Variants in APPL2 observed in about 807,000 individuals in gnomAD.
The protein encoded by APPL2 is adaptor protein, phosphotyrosine interacting with PH domain and leucine zipper 2, also known as DCC-interacting protein 13-beta.
APPL2 carries 84 observed loss-of-function variants against 92.7 expected under a neutral mutation model. The observed-to-expected ratio is 0.91, with a 90% confidence interval of 0.76 to 1.09. The LOEUF is 1.09. Among genes scored for constraint, APPL2 ranks in the 50% least tolerant of loss-of-function variants. APPL2 has a pLI of 0.00. For missense variants in APPL2, 736 were observed against 824.5 expected (o/e 0.89, Z 1.31); for synonymous variants, 291 against 291.0 (o/e 1.00, Z 0.00).
At chr12:105,182,619 G>A (rs1344974622) in intron 17 of APPL2, among the ~76,000 whole-genome samples, 1 of 152,226 alleles carries the variant, frequency 6.6e-6, no homozygotes, top group Non-Finnish European at 1.5e-5. Flanking sequence ...TGGTCTGAGA[G>A]ACAGTTTGTT....
At chr12:105,196,425 C>CTTTT (rs59820038) in intron 11 of APPL2, among the ~76,000 whole-genome samples, 2 of 83,812 alleles carry the variant, frequency 2.4e-5, no homozygotes, top group African/African-American at 4.0e-5. Flanking sequence ...GGCGTTAACT[C>CTTTT]TTTTTTTTTT....
chr12:105,203,602 G>T, intron 9 of APPL2, 101 bp downstream of exon 9: 1 of 1,065,506 alleles, frequency 9.4e-7, no homozygotes, highest in Non-Finnish European at 1.4e-6. Flanking sequence ...GAGGCTCTGT[G>T]CGACCCTCCA....
chr12:105,231,227 A>T (rs1024777428), intron 1 of APPL2, among the ~76,000 whole-genome samples: 4 of 152,240 alleles, frequency 2.6e-5, no homozygotes, highest in Non-Finnish European at 5.9e-5. Context: ...TACTATGTCC[A>T]TTTAGCCAAA....
At chr12:105,210,815 C>G (rs1889150606) in intron 5 of APPL2, among the ~76,000 whole-genome samples, 2 of 151,964 alleles carry the variant, frequency 1.3e-5, no homozygotes, top group African/African-American at 4.8e-5. Flanking sequence ...GCTTTCCATT[C>G]CAAAGCATTC....
chr12:105,189,558 A>C (rs1887016329), intron 16 of APPL2, among the ~76,000 whole-genome samples: 1 of 152,322 alleles, frequency 6.6e-6, no homozygotes, highest in South Asian at 2.1e-4. Context: ...CGCTATGGCT[A>C]ATGGTGAAAT....
At chr12:105,186,175 A>C (rs1005602840) in intron 17 of APPL2, among the ~76,000 whole-genome samples, 9 of 152,188 alleles carry the variant, frequency 5.9e-5, no homozygotes, top group Admixed American at 5.9e-4. Flanking sequence ...CCTGTATCTG[A>C]AATTGTTTTG....
chr12:105,176,172 T>C (rs1885526232), intron 19 of APPL2, 90 bp from the exon 20 acceptor site: 1 of 1,135,658 alleles, frequency 8.8e-7, no homozygotes, highest in Non-Finnish European at 1.3e-6. Flanking sequence ...GTGAGGTCAC[T>C]GTTCTCACTG....
In APPL2 at chr12:105,206,174, G is replaced by A. The variant is rs368294338; in HGVS notation, c.621+887C>T. On this transcript the variant is annotated intron_variant, in intron 8 of 20. Transcript: ENST00000258530. ...TCTCTCATTCCCCTTTTTGTTGAAT[G>A]ACACTGACGTGAAGTTTTTGTTTTT... 2.6e-5 allele frequency among the ~76,000 whole-genome samples: 4 copies of A among 152,344 alleles called. No homozygotes were observed. In the East Asian group the frequency reaches 7.7e-4, roughly 29 times the overall value.
intron 14 of APPL2, among the ~76,000 whole-genome samples, chr12:105,191,229 C>G (rs916583675): frequency 4.6e-5 from 7 of 152,162 alleles, no homozygotes; most frequent in African/African-American, 1.4e-4. Flanking sequence ...GGTCTGACCT[C>G]CATTGTTAAC....
intron 4 of APPL2, among the ~76,000 whole-genome samples, chr12:105,215,472 C>G (rs1046751017): frequency 6.6e-6 from 1 of 152,112 alleles, no homozygotes; most frequent in Non-Finnish European, 1.5e-5. Flanking sequence ...AATCATATGA[C>G]GTGTTCACTT....
intron 17 of APPL2, among the ~76,000 whole-genome samples, chr12:105,182,266 T>C (rs567348339): frequency 3.3e-4 from 51 of 152,330 alleles, no homozygotes; most frequent in African/African-American, 1.2e-3. Context: ...TGACCTCAGG[T>C]GATCCACCTG....
Position 105,229,149 on chromosome 12 carries a change from T to C in APPL2, c.129A>G (p.Ala43=). ...LTDYTNQLLQ[A]MQRVYGAQNE... ...CCTGGGCTCCATAGACGCGCTGCAT[T>C]GCCTGGAGCAGCTGGTTGGTATAGT... The change falls in exon 2 of 21, where the codon GCA becomes GCG. Residue 43 remains alanine, a synonymous_variant. Transcript: ENST00000258530. The C allele has an allele frequency of 6.2e-7, 1 of 1,612,784 alleles. No individual in the cohort carries two copies. The highest frequency in any genetic ancestry group is 8.5e-7 in the Non-Finnish European group (1 of 1,179,520).
chr12:105,215,199 T>TG (rs1353296632), intron 4 of APPL2, among the ~76,000 whole-genome samples: 2 of 152,182 alleles, frequency 1.3e-5, no homozygotes, highest in Non-Finnish European at 1.5e-5. Context: ...GGCCTAGACT[T>TG]GCAATTGGCA....
chr12:105,198,686 G>C (rs1039556681), intron 10 of APPL2, among the ~76,000 whole-genome samples: 1 of 152,114 alleles, frequency 6.6e-6, no homozygotes, highest in Non-Finnish European at 1.5e-5. Flanking sequence ...TCCCCAAATG[G>C]CAACGGCTGA....
chr12:105,211,731 G>A (rs1403076168), intron 4 of APPL2, among the ~76,000 whole-genome samples: 3 of 152,308 alleles, frequency 2.0e-5, no homozygotes, highest in East Asian at 3.9e-4. Context: ...ACTCTCCAGG[G>A]AGGCTGAAGC....
chr12:105,230,988 A>G (rs1042417738), intron 1 of APPL2, among the ~76,000 whole-genome samples: 1 of 152,264 alleles, frequency 6.6e-6, no homozygotes, highest in African/African-American at 2.4e-5. Context: ...ACAGTATGAA[A>G]TACATCAGGA....
chr12:105,176,958 C>T lies in APPL2; in HGVS notation c.1730G>A (p.Gly577Asp). 6.2e-7 allele frequency: 1 copy of T among 1,614,070 alleles called. No individual in the cohort carries two copies. The highest frequency in any genetic ancestry group is 8.5e-7 in the Non-Finnish European group (1 of 1,180,000). Reference protein sequence around the residue: ...AAHQENKRLVGFVIRVPESTG... With the variant: ...AAHQENKRLVDFVIRVPESTG... ...GGATTCAGGAACACGGATGACAAAA[C>T]CAACCAGTCTCTTGTTTTCTTGATG... Residue 577 changes from glycine (G) to aspartate (D), a missense_variant, in exon 19 of 21, where the codon GGT becomes GAT. By Grantham distance (94) the Gly-to-Asp change is moderately conservative. Transcript: ENST00000258530.
At position 105,190,031 on chromosome 12, in the gene APPL2, G is replaced by T. The variant is rs775110087; in HGVS notation, c.1366C>A (p.Leu456Ile). 2 of 1,614,198 alleles carry T rather than the reference G, an allele frequency of 1.2e-6. No individual in the cohort carries two copies. Among genetic ancestry groups the T allele is most frequent in the South Asian group, 2.2e-5 (2 of 91,082 alleles). The change falls in exon 15 of 21, where the codon CTT becomes ATT. Residue 456 changes from leucine (L) to isoleucine (I), a missense_variant. Leu to Ile is a conservative substitution (Grantham distance 5, BLOSUM62 2). Transcript: ENST00000258530. ...TGATCAAGGAATTCTGTAGCAGGAA[G>T]CACAATATCGAATTGAATCGGCGTT... ...PGTPIQFDIV[L>I]PATEFLDQNR...
intron 4 of APPL2, among the ~76,000 whole-genome samples, chr12:105,216,025 T>C (rs1034175042): frequency 6.6e-5 from 10 of 152,170 alleles, no homozygotes; most frequent in African/African-American, 2.4e-4. Context: ...AGACTCCGTC[T>C]TATAAACAAC....
Sources: allele counts gnomAD v4.1 joint callset (sites outside exome capture counted in the v4.1 genomes callset), GRCh38; gene constraint gnomAD v4.1.1; transcripts MANE v1.5; gene names NCBI Gene and HGNC (gene_info 2026-07-23, HGNC 2026-07-21).